The following DDR2 variants were observed in gnomAD, a reference collection of about 807,000 sequenced individuals.
DDR2 encodes the protein discoidin domain-containing receptor 2.
In DDR2, 27 loss-of-function variants were observed where a neutral mutation model predicts 94.9. The ratio of observed to expected loss-of-function variants is 0.28; its 90% CI spans 0.21 to 0.39. The LOEUF (loss-of-function observed/expected upper bound fraction) is 0.39. Among genes scored for constraint, DDR2 ranks in the 10% least tolerant of loss-of-function variants. The probability of loss-of-function intolerance (pLI) is 1.00; values close to 1 mark genes in which losing one functional copy is unlikely to be tolerated. For missense variants in DDR2, 783 were observed against 1,076.0 expected, an observed-to-expected ratio of 0.73 and a Z score of 3.81; for synonymous variants, 382 against 377.2, an observed-to-expected ratio of 1.01 and a Z score of -0.15.
chr1:162,653,456 A>G (rs577454644), intron 1 of DDR2, among the ~76,000 whole-genome samples: 33 of 152,170 alleles, frequency 2.2e-4, no homozygotes, highest in African/African-American at 7.9e-4. Context: ...GAGTGCCTGT[A>G]ATCCCAGGTA....
chr1:162,775,947 G>A (rs1309161626), intron 15 of DDR2, 104 bp downstream of exon 15: 1 of 1,499,434 alleles, frequency 6.7e-7, no homozygotes, highest in Admixed American at 1.7e-5. Context: ...GTTCTGGGAT[G>A]GTGGGGGAAG....
At position 162,690,801 on chromosome 1, in the gene DDR2, C is replaced by T. The variant is rs559363640; in HGVS notation, c.-27-28236C>T. 2.6e-5 allele frequency among the ~76,000 whole-genome samples: 4 copies of T among 152,306 alleles called. No homozygotes were observed. In the South Asian group the frequency reaches 6.2e-4, roughly 24 times the overall value. On this transcript the variant is annotated intron_variant, in intron 2 of 17. Transcript: ENST00000367921. The stretch of plus-strand genomic sequence containing the variant: ...TCATGCCTGTTCCTGAGGAGATTCT[C>T]CTGCGCTGGCCCTCTGAGCCCTGGG...
At chr1:162,706,172 GTGAGA>G (rs1660653071) in intron 2 of DDR2, among the ~76,000 whole-genome samples, 1 of 152,206 alleles carries the variant, frequency 6.6e-6, no homozygotes, top group Admixed American at 6.5e-5. Flanking sequence ...ACTCCTGGCA[GTGAGA>G]TGAACAGGTC....
intron 2 of DDR2, among the ~76,000 whole-genome samples, chr1:162,687,858 GGGGT>G (rs1659762656): frequency 2.0e-5 from 3 of 152,138 alleles, no homozygotes; most frequent in African/African-American, 7.2e-5. Context: ...AAGCATTAAT[GGGGT>G]CACGAGGTGG....
At chr1:162,733,462 C>T (rs1662155179) in intron 3 of DDR2, among the ~76,000 whole-genome samples, 1 of 152,236 alleles carries the variant, frequency 6.6e-6, no homozygotes. Context: ...GTCCATTTTC[C>T]TGTGCCTTTT....
chr1:162,718,893 GAT>G, intron 2 of DDR2, 142 bp from the exon 3 acceptor site: 1 of 747,738 alleles, frequency 1.3e-6, no homozygotes, highest in Non-Finnish European at 2.3e-6. Context: ...CAAAGTCTGT[GAT>G]TCGAAGTCCC....
chr1:162,747,702 A>T (rs1662955184), intron 3 of DDR2, among the ~76,000 whole-genome samples: 1 of 152,216 alleles, frequency 6.6e-6, no homozygotes, highest in Non-Finnish European at 1.5e-5. Flanking sequence ...TAATTGTCAG[A>T]TTCACCAAGG....
chr1:162,685,947 T>C (rs1210007145), intron 2 of DDR2, among the ~76,000 whole-genome samples: 1 of 152,220 alleles, frequency 6.6e-6, no homozygotes, highest in Admixed American at 6.5e-5. Flanking sequence ...GGCATTCTAT[T>C]CAGCATCAGA....
intron 1 of DDR2, among the ~76,000 whole-genome samples, chr1:162,635,161 C>T (rs753955821): frequency 9.9e-5 from 15 of 152,248 alleles, no homozygotes; most frequent in Non-Finnish European, 2.1e-4. Context: ...TCTCCCCTAG[C>T]CACTCTGTGA....
chr1:162,776,917 G>A (rs1389494371), intron 16 of DDR2, among the ~76,000 whole-genome samples: 1 of 152,054 alleles, frequency 6.6e-6, no homozygotes, highest in East Asian at 1.9e-4. Flanking sequence ...ATGCATACCT[G>A]AGACTTTTTA....
chr1:162,763,473 A>G (rs1663851409), intron 9 of DDR2, among the ~76,000 whole-genome samples: 2 of 149,488 alleles, frequency 1.3e-5, no homozygotes, highest in Admixed American at 1.4e-4. Flanking sequence ...TGCTGGGATT[A>G]CAGATGTGAG....
intron 2 of DDR2, among the ~76,000 whole-genome samples, chr1:162,658,066 T>C (rs1400311171): frequency 6.6e-6 from 1 of 152,192 alleles, no homozygotes; most frequent in African/African-American, 2.4e-5. Context: ...TCTGCCAATA[T>C]TAATTTCTCC....
At chr1:162,650,325 G>C (rs1657626081) in intron 1 of DDR2, among the ~76,000 whole-genome samples, 1 of 152,070 alleles carries the variant, frequency 6.6e-6, no homozygotes, top group Non-Finnish European at 1.5e-5. Context: ...GCCAGGTGTG[G>C]TGGCTCACGC....
intron 1 of DDR2, among the ~76,000 whole-genome samples, chr1:162,651,707 A>G (rs1156282719): frequency 1.3e-5 from 2 of 152,228 alleles, no homozygotes; most frequent in African/African-American, 2.4e-5. Context: ...TATTAAAACA[A>G]TAATCTATTG....
At chr1:162,756,448 G>A (rs910585912) in intron 7 of DDR2, among the ~76,000 whole-genome samples, 5 of 152,132 alleles carry the variant, frequency 3.3e-5, no homozygotes, top group Admixed American at 2.0e-4. Flanking sequence ...CTTAGGGTTG[G>A]GTACAGGATG....
intron 2 of DDR2, among the ~76,000 whole-genome samples, chr1:162,709,673 G>A (rs986886176): frequency 6.6e-6 from 1 of 152,204 alleles, no homozygotes; most frequent in Non-Finnish European, 1.5e-5. Context: ...ACCAGCACAT[G>A]CTTCCAAGGG....
At chr1:162,656,838 T>TTTTTTTTG (rs1657997634) in intron 2 of DDR2, among the ~76,000 whole-genome samples, 1 of 113,820 alleles carries the variant, frequency 8.8e-6, no homozygotes, top group Non-Finnish European at 1.9e-5. Flanking sequence ...CTGGAGTTTT[T>TTTTTTTTG]TTTTTTTTTT....
At chr1:162,701,111 T>A (rs915243828) in intron 2 of DDR2, among the ~76,000 whole-genome samples, 1 of 151,722 alleles carries the variant, frequency 6.6e-6, no homozygotes, top group Admixed American at 6.6e-5. Flanking sequence ...CTAATATATG[T>A]TTGTAGGTTA....
rs150533072 is a variant in DDR2, at chr1:162,769,601, C to T, written c.1294-701C>T. Among the ~76,000 whole-genome samples the T allele has an allele frequency of 2.3e-3, 343 of 152,310 alleles. 2 individuals are homozygous for T. The highest frequency in any genetic ancestry group is 8.1e-3 in the African/African-American group (335 of 41,570). ...GTGTTTGTTGGAGTGGAGCATTTTA[C>T]ATGTTTAAACCCAAATAGTCACATA... On this transcript the variant is annotated intron_variant, in intron 11 of 17. Transcript: ENST00000367921.
Sources: allele counts gnomAD v4.1 joint callset (sites outside exome capture counted in the v4.1 genomes callset), GRCh38; gene constraint gnomAD v4.1.1; transcripts MANE v1.5; gene names NCBI Gene and HGNC (gene_info 2026-07-23, HGNC 2026-07-21).